Variants in NF1 observed in about 807,000 individuals in gnomAD.
NF1 encodes neurofibromin.
A neutral mutation model predicts 325.7 loss-of-function variants in NF1; 122 were observed. The observed-to-expected ratio is 0.37, with a 90% confidence interval of 0.32 to 0.44. NF1 has a LOEUF of 0.44. Ranked by LOEUF, NF1 falls within the 20% of genes least tolerant of loss-of-function variation. The pLI is 1.00. For synonymous variants in NF1, 1,091 were observed against 1,186.0 expected (o/e 0.92, Z 1.65); for missense variants, 2,140 against 3,415.4 (o/e 0.63, Z 9.31).
rs138996410 is a variant in NF1 at position 31,291,881 on chromosome 17, G to T, written c.4835+26542G>T. On this transcript the variant is annotated intron_variant, in intron 36 of 57. Coordinates refer to ENST00000358273, the MANE Select transcript of NF1 (RefSeq NM_001042492.3). ...AGCAAGCACATCCTTTCATTCCCTT[G>T]CTCTCAGTGTGTAGAGCTGAAATGT... Among the ~76,000 whole-genome samples the T allele has an allele frequency of 2.0e-3, 300 of 152,248 alleles. 1 individual carries two copies. The highest frequency in any genetic ancestry group is 7.1e-3 in the African/African-American group (293 of 41,542).
chr17:31,143,741 T>C (rs530142756), intron 1 of NF1, among the ~76,000 whole-genome samples: 6 of 152,338 alleles, frequency 3.9e-5, no homozygotes, highest in South Asian at 2.1e-4. Context: ...TTTGTACTTG[T>C]ACAGATTGTG....
chr17:31,295,254 C>A, intron 36 of NF1: 1 of 1,613,984 alleles, frequency 6.2e-7, no homozygotes, highest in Non-Finnish European at 8.5e-7. Flanking sequence ...GTGACCATTC[C>A]ATCTTGGAGA....
chr17:31,103,332 T>G (rs1912533366), intron 1 of NF1, among the ~76,000 whole-genome samples: 1 of 152,042 alleles, frequency 6.6e-6, no homozygotes. Flanking sequence ...AACCTCTGCC[T>G]CCCGGGTTCA....
At chr17:31,130,391 A>G (rs2143457439) in intron 1 of NF1, among the ~76,000 whole-genome samples, 1 of 152,192 alleles carries the variant, frequency 6.6e-6, no homozygotes, top group East Asian at 1.9e-4. Context: ...TGCCAGTAGC[A>G]GTGGCAGCAA....
Position 31,155,131 on chromosome 17 carries a change from A to T in NF1, c.61-852A>T, listed in dbSNP as rs533628577. Among the ~76,000 whole-genome samples the T allele has an allele frequency of 2.3e-3, 344 of 152,340 alleles. 1 individual carries two copies. The highest frequency in any genetic ancestry group is 6.9e-3 in the African/African-American group (288 of 41,574). On this transcript the variant is annotated intron_variant, in intron 1 of 57. Transcript: ENST00000358273. ...TTTCCACCTTTAGTTGTACTATGTTAAAAATGAGAAAGTTATATTCAGGTT... is the reference window on the plus strand; with the variant it reads ...TTTCCACCTTTAGTTGTACTATGTTTAAAATGAGAAAGTTATATTCAGGTT...
chr17:31,150,227 C>T (rs1916836559), intron 1 of NF1, among the ~76,000 whole-genome samples: 1 of 152,044 alleles, frequency 6.6e-6, no homozygotes, highest in African/African-American at 2.4e-5. Context: ...TGTTGTTGAT[C>T]AACAAGTTTG....
chr17:31,188,297 T>C (rs976396651), intron 8 of NF1, among the ~76,000 whole-genome samples: 3 of 152,280 alleles, frequency 2.0e-5, no homozygotes, highest in Non-Finnish European at 2.9e-5. Context: ...CCTCCTCCTT[T>C]TGTTAAAAAC....
In NF1 at chr17:31,258,475, C is replaced by G. The variant is rs779865988; in HGVS notation, c.4305C>G (p.Ile1435Met). ...GILDKKPPPR[I>M]ERGLKLMSKI... Reference sequence around the variant, plus strand: ...TAGATAAAAAGCCACCACCTAGAATCGAAAGGGGCTTGAAGTTAATGTCAA... The same window carrying G: ...TAGATAAAAAGCCACCACCTAGAATGGAAAGGGGCTTGAAGTTAATGTCAA... Residue 1435 changes from isoleucine (I) to methionine (M), a missense_variant, in exon 32 of 58, where the codon ATC becomes ATG. Coordinates refer to ENST00000358273, the MANE Select transcript of NF1 (RefSeq NM_001042492.3). 6.2e-7 allele frequency: 1 copy of G among 1,613,710 alleles called. No individual in the cohort carries two copies.
At chr17:31,300,064 CTGCT>C (rs1016221771) in intron 36 of NF1, among the ~76,000 whole-genome samples, 1 of 151,926 alleles carries the variant, frequency 6.6e-6, no homozygotes, top group African/African-American at 2.4e-5. Flanking sequence ...GTTTGTAGCT[CTGCT>C]TGCTTTATTT....
intron 1 of NF1, among the ~76,000 whole-genome samples, chr17:31,105,594 A>G (rs1469697750): frequency 6.6e-6 from 1 of 152,070 alleles, no homozygotes; most frequent in Admixed American, 6.6e-5. Flanking sequence ...GGCTCACTGC[A>G]ACCTCTGCCT....
rs567141262 is a variant in NF1 at position 31,183,218 on chromosome 17, G to GA, written c.888+563dup. 956 of 186,892 alleles carry GA rather than the reference G, an allele frequency of 5.1e-3. 1 individual carries two copies. The highest frequency in any genetic ancestry group is 0.012 in the Middle Eastern group (6 of 508). The allele number at this position is 186,892 out of a possible 1,614,324, so 11.6% of individuals were successfully genotyped here. A position where few individuals can be genotyped will look rare whatever the true frequency, so the allele number is the denominator to read the frequency against. On this transcript the variant is annotated intron_variant, in intron 8 of 57. Coordinates refer to ENST00000358273, the MANE Select transcript of NF1 (RefSeq NM_001042492.3). ...TTTTTTAAATATCACCTAGGTGATT[G>GA]AAAAAAAAAAGAACTGAGTATTAAT...
intron 38 of NF1, among the ~76,000 whole-genome samples, chr17:31,328,623 C>T (rs2069406380): frequency 6.6e-6 from 1 of 152,138 alleles, no homozygotes; most frequent in African/African-American, 2.4e-5. Flanking sequence ...CATCTCCTTG[C>T]ACCCTTTCTC....
At chr17:31,194,656 TTTAAAA>T (rs2066404004) in intron 8 of NF1, among the ~76,000 whole-genome samples, 1 of 152,126 alleles carries the variant, frequency 6.6e-6, no homozygotes, top group Non-Finnish European at 1.5e-5. Flanking sequence ...CATCAAAAAA[TTTAAAA>T]TTAATAATTA....
chr17:31,141,860 G>T (rs1027697154), intron 1 of NF1, among the ~76,000 whole-genome samples: 1 of 152,088 alleles, frequency 6.6e-6, no homozygotes, highest in African/African-American at 2.4e-5. Flanking sequence ...TTTCTTGTGG[G>T]CTTCTTCCTG....
rs910465736 is a variant in NF1 at position 31,309,536 on chromosome 17, G to T, written c.4836-16284G>T. 2.6e-5 allele frequency among the ~76,000 whole-genome samples: 4 copies of T among 152,128 alleles called. No individual in the cohort carries two copies. The East Asian group carries it at 5.8e-4, about 22-fold the overall frequency. ...AGGCGGGGGGACTTCTTTAGAAAAT[G>T]TTATTCTCTTCAGAACTTCATTTTA... On this transcript the variant is annotated intron_variant, in intron 36 of 57. Transcript: ENST00000358273.
In NF1 at chr17:31,235,718, G is replaced by T. The variant is rs756780735; in HGVS notation, c.3816G>T (p.Gln1272His). 1 of 1,614,150 alleles carries T rather than the reference G, an allele frequency of 6.2e-7. No individual in the cohort carries two copies. Among genetic ancestry groups the T allele is most frequent in the Non-Finnish European group, 8.5e-7 (1 of 1,180,018 alleles). The stretch of plus-strand genomic sequence containing the variant: ...AAGTAGAATTGGCAGACTCCATGCA[G>T]ACTCTCTTCCGAGGCAACAGCTTGG... ...SKEVELADSMQTLFRGNSLAS... is the reference protein window; with the variant it reads ...SKEVELADSMHTLFRGNSLAS... The change falls in exon 28 of 58, where the codon CAG becomes CAT. Residue 1272 changes from glutamine to histidine, a missense_variant. This residue lies in a region of NF1 where 336 missense variants were observed against 399.0 expected (regional missense o/e 0.84). Coordinates refer to ENST00000358273, the MANE Select transcript of NF1 (RefSeq NM_001042492.3).
At position 31,095,306 on chromosome 17, in the gene NF1, G is replaced by T. The variant is rs1911548907; in HGVS notation, c.-4G>T. On this transcript the variant is annotated 5_prime_UTR_variant, in exon 1 of 58. In the 5' UTR this introduces an upstream ATG that the reference lacks. Transcript: ENST00000358273. ...CTCCGCCGCCCCCCGGCCGCGGGGA[G>T]GACATGGCCGCGCACAGGCCGGTGG... 1 of 1,537,210 alleles carries T rather than the reference G, an allele frequency of 6.5e-7. No individual in the cohort carries two copies. Among genetic ancestry groups the T allele is most frequent in the Non-Finnish European group, 8.7e-7 (1 of 1,146,054 alleles).
At chr17:31,280,048 T>TA (rs1333084677) in intron 36 of NF1, among the ~76,000 whole-genome samples, 2 of 152,188 alleles carry the variant, frequency 1.3e-5, no homozygotes, top group Non-Finnish European at 2.9e-5. Flanking sequence ...CATTAAGTCT[T>TA]ACTGATTCTG....
chr17:31,250,514 A>C, intron 30 of NF1: 1 of 204,822 alleles, frequency 4.9e-6, no homozygotes, highest in Non-Finnish European at 1.0e-5. Flanking sequence ...ATGGGGACTG[A>C]CTACATGATT....
Sources: gnomAD v4.1 joint callset for allele counts (sites outside exome capture counted in the v4.1 genomes callset) on GRCh38, gnomAD v4.1.1 for gene constraint, gnomAD v4.1.1 regional missense constraint, MANE v1.5 for transcripts, NCBI Gene and HGNC (gene_info 2026-07-23, HGNC 2026-07-21) for gene names.